The following DTHD1 variants were observed in gnomAD, a reference collection of about 807,000 sequenced individuals.
The protein encoded by DTHD1 is death domain containing 1.
A neutral mutation model predicts 74.8 loss-of-function variants in DTHD1; 59 were observed. That is an observed-to-expected ratio of 0.79 (90% CI 0.64 to 0.98). DTHD1 has a LOEUF of 0.98. Among genes scored for constraint, DTHD1 ranks in the 50% least tolerant of loss-of-function variants. DTHD1 has a pLI of 0.00. For synonymous variants in DTHD1, 365 were observed against 371.1 expected (o/e 0.98, Z 0.19); for missense variants, 1,051 against 1,065.4 (o/e 0.99, Z 0.19).
rs1252910359 is a variant in DTHD1 at position 36,343,880 on chromosome 4, T to C, written c.*56T>C. ...AAAAGGCACACGGTGGGTTTTTGTT[T>C]CTGTCAACATTTTCCTGGAAGTTTC... On this transcript the variant is annotated 3_prime_UTR_variant, in exon 10 of 10. Coordinates refer to ENST00000639862, the MANE Select transcript of DTHD1 (RefSeq NM_001170700.3). 20 of 1,432,916 alleles carry C rather than the reference T, an allele frequency of 1.4e-5. No individual in the cohort carries two copies. Among genetic ancestry groups the C allele is most frequent in the Non-Finnish European group, 1.7e-5 (18 of 1,083,438 alleles). The allele number at this position is 1,432,916 out of a possible 1,614,324, so 88.8% of individuals were successfully genotyped here. A position where few individuals can be genotyped will look rare whatever the true frequency, so the allele number is the denominator to read the frequency against.
chr4:36,341,129 T>C (rs185649333), intron 9 of DTHD1, among the ~76,000 whole-genome samples: 1 of 152,034 alleles, frequency 6.6e-6, no homozygotes, highest in Non-Finnish European at 1.5e-5. Context: ...AAGTAGTGAG[T>C]TGATAGTGAG....
intron 8 of DTHD1, among the ~76,000 whole-genome samples, chr4:36,324,143 C>A (rs1047715889): frequency 1.3e-5 from 2 of 151,968 alleles, no homozygotes; most frequent in African/African-American, 4.8e-5. Context: ...CTCCTCCCCC[C>A]CATTCCTTTC....
chr4:36,290,461 C>T lies in DTHD1; in HGVS notation c.976C>T (p.Arg326Trp), dbSNP rs369825204. The T allele has an allele frequency of 5.2e-6, 8 of 1,551,576 alleles. No homozygotes were observed. In the South Asian group the frequency reaches 5.9e-5, roughly 12 times the overall value. Residue 326 changes from arginine to tryptophan, a missense_variant, in exon 3 of 10, where the codon CGG becomes TGG. Arg to Trp is a moderately radical substitution (Grantham distance 101). Transcript: ENST00000639862. ...ATATGTTCTACAACAACTAGAATGC[C>T]GGATAATAAATCACATGAGTTCTTT... Reference protein sequence around the residue: ...PSYVLQQLECRIINHMSSLIV... With the variant: ...PSYVLQQLECWIINHMSSLIV...
At chr4:36,332,561 T>C (rs1246309100) in intron 8 of DTHD1, among the ~76,000 whole-genome samples, 2 of 152,058 alleles carry the variant, frequency 1.3e-5, no homozygotes, top group Non-Finnish European at 2.9e-5. Context: ...ATACTTGTTT[T>C]CATGCACATG....
intron 4 of DTHD1, among the ~76,000 whole-genome samples, chr4:36,294,338 T>G (rs1756262439): frequency 6.6e-6 from 1 of 152,016 alleles, no homozygotes; most frequent in African/African-American, 2.4e-5. Context: ...ATATAATAAA[T>G]ATCTTATTTA....
chr4:36,346,835 A>ACT lies in DTHD1; in HGVS notation c.*3017_*3018dup, dbSNP rs1175287588. 3.9e-4 allele frequency among the ~76,000 whole-genome samples: 59 copies of ACT among 151,316 alleles called. No individual in the cohort carries two copies. Among genetic ancestry groups the ACT allele is most frequent in the African/African-American group, 1.4e-3 (57 of 41,200 alleles). ...CTCTCAAGAAGGCCACCTCTAGCCA[A>ACT]CTCTCTCCTGTGCTTTGGTAACTGG... On this transcript the variant is annotated 3_prime_UTR_variant, in exon 10 of 10. Coordinates refer to ENST00000639862, the MANE Select transcript of DTHD1 (RefSeq NM_001170700.3).
At chr4:36,296,465 T>C (rs1336310981) in intron 5 of DTHD1, among the ~76,000 whole-genome samples, 1 of 152,008 alleles carries the variant, frequency 6.6e-6, no homozygotes, top group Non-Finnish European at 1.5e-5. Context: ...AAAATTTATA[T>C]GAAAGAGAGA....
Position 36,343,666 on chromosome 4 carries a change from T to C in DTHD1, c.2563T>C (p.Trp855Arg), listed in dbSNP as rs372527757. 101 of 1,551,732 alleles carry C rather than the reference T, an allele frequency of 6.5e-5. No individual in the cohort carries two copies. Among genetic ancestry groups the C allele is most frequent in the Non-Finnish European group, 8.1e-5 (93 of 1,146,978 alleles). Residue 855 changes from tryptophan (W) to arginine (R), a missense_variant, in exon 10 of 10, where the codon TGG becomes CGG. Transcript: ENST00000639862. ...TEQIHEFLCF[W>R]KKSLPTFTDK... The stretch of plus-strand genomic sequence containing the variant: ...ACAGATCCACGAGTTTCTTTGCTTC[T>C]GGAAAAAATCGCTTCCAACTTTCAC...
chr4:36,338,469 G>A (rs1759132124), intron 8 of DTHD1, among the ~76,000 whole-genome samples: 1 of 151,862 alleles, frequency 6.6e-6, no homozygotes, highest in Non-Finnish European at 1.5e-5. Flanking sequence ...TTTCAGGGCT[G>A]AGGCTGAGCA....
chr4:36,318,238 T>C (rs980962234), intron 8 of DTHD1, among the ~76,000 whole-genome samples: 11 of 152,364 alleles, frequency 7.2e-5, no homozygotes, highest in East Asian at 3.9e-4. Flanking sequence ...GCTGTCACTT[T>C]GTTAGCACAT....
chr4:36,336,516 A>G (rs1281882091), intron 8 of DTHD1, among the ~76,000 whole-genome samples: 1 of 152,186 alleles, frequency 6.6e-6, no homozygotes, highest in African/African-American at 2.4e-5. Flanking sequence ...GTCATGCAGG[A>G]GAGTGCAGGT....
chr4:36,308,320 A>G lies in DTHD1; in HGVS notation c.1922A>G (p.Lys641Arg), dbSNP rs1757176682. The G allele has an allele frequency of 7.1e-6, 11 of 1,551,904 alleles. No individual in the cohort carries two copies. Among genetic ancestry groups the G allele is most frequent in the African/African-American group, 1.4e-5 (1 of 73,060 alleles). Residue 641 changes from lysine (K) to arginine (R), a missense_variant, in exon 7 of 10, where the codon AAG becomes AGG. Coordinates refer to ENST00000639862, the MANE Select transcript of DTHD1 (RefSeq NM_001170700.3). ...TTACIVLSHQKDNPHRIAVLV... is the reference protein window; with the variant it reads ...TTACIVLSHQRDNPHRIAVLV... ...GCCTGCATAGTACTGTCTCACCAGA[A>G]GGACAATCCACATAGAATAGCTGTT... is the stretch of plus-strand genomic sequence containing the variant.
chr4:36,305,570 T>G (rs1430267171), intron 5 of DTHD1, among the ~76,000 whole-genome samples: 1 of 152,138 alleles, frequency 6.6e-6, no homozygotes, highest in Non-Finnish European at 1.5e-5. Flanking sequence ...AAAATGAGAT[T>G]TGGATGGGAG....
intron 6 of DTHD1, among the ~76,000 whole-genome samples, chr4:36,307,295 T>C (rs1334486832): frequency 1.3e-5 from 2 of 152,208 alleles, no homozygotes; most frequent in African/African-American, 4.8e-5. Flanking sequence ...ATCAAGGTGC[T>C]AGCAGGGTTT....
chr4:36,283,249 G>A (rs1245367399), intron 1 of DTHD1, among the ~76,000 whole-genome samples: 1 of 152,218 alleles, frequency 6.6e-6, no homozygotes, highest in Non-Finnish European at 1.5e-5. Context: ...TGATGACGGA[G>A]TGAGAGATTA....
chr4:36,301,592 A>G (rs1756775961), intron 5 of DTHD1, among the ~76,000 whole-genome samples: 1 of 152,228 alleles, frequency 6.6e-6, no homozygotes, highest in Non-Finnish European at 1.5e-5. Flanking sequence ...CCCATTAACA[A>G]TCAAGGATTA....
At chr4:36,341,537 C>T (rs1045129726) in intron 9 of DTHD1, among the ~76,000 whole-genome samples, 27 of 152,122 alleles carry the variant, frequency 1.8e-4, no homozygotes, top group Non-Finnish European at 5.9e-5. Flanking sequence ...TTGTTACAAA[C>T]AAATTTTTAT....
intron 8 of DTHD1, among the ~76,000 whole-genome samples, chr4:36,325,534 G>A (rs1273405366): frequency 1.3e-5 from 2 of 152,190 alleles, no homozygotes; most frequent in African/African-American, 4.8e-5. Flanking sequence ...ATAGTCCACA[G>A]AAGACAGTGT....
At chr4:36,324,354 G>A (rs1428931821) in intron 8 of DTHD1, among the ~76,000 whole-genome samples, 2 of 152,046 alleles carry the variant, frequency 1.3e-5, no homozygotes, top group African/African-American at 4.8e-5. Flanking sequence ...AACTAAACAG[G>A]AATTGGGCAC....
Sources: allele counts gnomAD v4.1 joint callset (sites outside exome capture counted in the v4.1 genomes callset), GRCh38; gene constraint gnomAD v4.1.1; transcripts MANE v1.5; gene names NCBI Gene and HGNC (gene_info 2026-07-23, HGNC 2026-07-21).